The following MYOCD variants were observed in gnomAD, a reference collection of about 807,000 sequenced individuals.
MYOCD encodes myocardin.
MYOCD carries 32 observed loss-of-function variants against 96.1 expected under a neutral mutation model. That is an observed-to-expected ratio of 0.33 (90% CI 0.25 to 0.45). The LOEUF (loss-of-function observed/expected upper bound fraction) is 0.45. MYOCD is among the 20% of genes least tolerant of loss of function. The pLI is 1.00. For synonymous variants in MYOCD, 469 were observed against 469.0 expected, an observed-to-expected ratio of 1.00 and a Z score of 0.00; for missense variants, 1,133 against 1,200.6, an observed-to-expected ratio of 0.94 and a Z score of 0.83.
At chr17:12,750,781 T>G (rs1449820388) in intron 9 of MYOCD, among the ~76,000 whole-genome samples, 1 of 152,228 alleles carries the variant, frequency 6.6e-6, no homozygotes, top group Non-Finnish European at 1.5e-5. Flanking sequence ...AGATATATAT[T>G]CATTAGATTT....
At chr17:12,688,151 C>T (rs1030708207) in intron 1 of MYOCD, among the ~76,000 whole-genome samples, 13 of 152,222 alleles carry the variant, frequency 8.5e-5, no homozygotes, top group Non-Finnish European at 1.9e-4. Context: ...ATTGGAAAGT[C>T]TCCTACACCC....
chr17:12,763,366 G>A lies in MYOCD; in HGVS notation c.2683G>A (p.Ala895Thr). 1 of 1,598,250 alleles carries A rather than the reference G, an allele frequency of 6.3e-7. No homozygotes were observed. The highest frequency in any genetic ancestry group is 8.5e-7 in the Non-Finnish European group (1 of 1,172,006). ...AATGGATGGATTCTCTGGGAAGGCT[G>A]CAGAAGACCTCTTCAATGCACATGA... ...GIMDGFSGKA[A>T]EDLFNAHEIL... The change falls in exon 14 of 14, where the codon GCA becomes ACA. Residue 895 changes from alanine (A) to threonine (T), a missense_variant. Physicochemically the swap from Ala to Thr is moderately conservative, Grantham distance 58. Coordinates refer to ENST00000425538, the MANE Select transcript of MYOCD (RefSeq NM_001146312.3).
intron 1 of MYOCD, among the ~76,000 whole-genome samples, chr17:12,679,091 T>C (rs1397455529): frequency 6.6e-6 from 1 of 152,052 alleles, no homozygotes; most frequent in Non-Finnish European, 1.5e-5. Context: ...TACCACATGG[T>C]CCCCCAGAGA....
chr17:12,738,509 A>G (rs1161923103), intron 6 of MYOCD, among the ~76,000 whole-genome samples: 2 of 152,186 alleles, frequency 1.3e-5, no homozygotes, highest in African/African-American at 4.8e-5. Context: ...ACATATACAT[A>G]TACATGCCTG....
chr17:12,747,781 G>GA (rs1424496932), intron 9 of MYOCD, among the ~76,000 whole-genome samples: 3 of 151,716 alleles, frequency 2.0e-5, no homozygotes, highest in Non-Finnish European at 4.4e-5. Flanking sequence ...AAAAGGAAAA[G>GA]AACACTGAGA....
At chr17:12,708,216 G>A (rs753531074) in intron 2 of MYOCD, among the ~76,000 whole-genome samples, 1 of 152,018 alleles carries the variant, frequency 6.6e-6, no homozygotes, top group Non-Finnish European at 1.5e-5. Context: ...ATCTAATATG[G>A]TCCCATTTTC....
chr17:12,669,408 T>C (rs1034101557), intron 1 of MYOCD, among the ~76,000 whole-genome samples: 3 of 152,208 alleles, frequency 2.0e-5, no homozygotes, highest in Admixed American at 1.3e-4. Flanking sequence ...AGTCTGGCAA[T>C]TGCCATGAAC....
intron 2 of MYOCD, among the ~76,000 whole-genome samples, chr17:12,711,564 G>C (rs1367901332): frequency 6.6e-6 from 1 of 152,186 alleles, no homozygotes; most frequent in Admixed American, 6.5e-5. Context: ...ACCAGCTAGT[G>C]CTTGTTGATG....
At chr17:12,757,274 A>G (rs951054073) in intron 11 of MYOCD, among the ~76,000 whole-genome samples, 1 of 152,154 alleles carries the variant, frequency 6.6e-6, no homozygotes, top group African/African-American at 2.4e-5. Context: ...AAGGAGACAA[A>G]CAAGATAAGC....
chr17:12,716,320 C>G (rs1597774812), intron 3 of MYOCD, among the ~76,000 whole-genome samples: 1 of 151,942 alleles, frequency 6.6e-6, no homozygotes, highest in Non-Finnish European at 1.5e-5. Context: ...TAACAAAGAA[C>G]AGCAGACTCT....
chr17:12,723,027 A>T lies in MYOCD; in HGVS notation c.415+19A>T. 6.2e-7 allele frequency: 1 copy of T among 1,608,058 alleles called. No individual in the cohort carries two copies. The highest frequency in any genetic ancestry group is 8.5e-7 in the Non-Finnish European group (1 of 1,176,896). On this transcript the variant is annotated intron_variant, in intron 5 of 13. Transcript: ENST00000425538. ...ATAAAAGGTAGTTAGAACAAATGGC[A>T]TGTCTCTCCTTGGTGCTATTGAGAT...
chr17:12,684,128 T>C (rs755146757), intron 1 of MYOCD, among the ~76,000 whole-genome samples: 3 of 152,198 alleles, frequency 2.0e-5, no homozygotes, highest in Non-Finnish European at 2.9e-5. Context: ...CCATTTTTCA[T>C]GAATTTATTA....
intron 1 of MYOCD, among the ~76,000 whole-genome samples, chr17:12,674,427 C>A (rs1909890168): frequency 1.3e-5 from 2 of 152,184 alleles, no homozygotes; most frequent in South Asian, 4.1e-4. Flanking sequence ...GCCATTCCTA[C>A]AAAGTCCCAG....
Position 12,766,599 on chromosome 17 carries a change from G to C in MYOCD, c.*2955G>C, listed in dbSNP as rs1205365702. 6.6e-6 allele frequency: 1 copy of C among 152,152 alleles called. No individual in the cohort carries two copies. Among genetic ancestry groups the C allele is most frequent in the African/African-American group, 2.4e-5 (1 of 41,436 alleles). The allele number at this position is 152,152 out of a possible 1,614,324, so 9.4% of individuals were successfully genotyped here. On this transcript the variant is annotated 3_prime_UTR_variant, in exon 14 of 14. Coordinates refer to ENST00000425538, the MANE Select transcript of MYOCD (RefSeq NM_001146312.3). ...ATAATCCATGAATTTGTCTCCCATT[G>C]AGAATTTTATTTTAAATTCTTTTAA...
At chr17:12,673,924 A>C (rs1028958512) in intron 1 of MYOCD, among the ~76,000 whole-genome samples, 2 of 152,172 alleles carry the variant, frequency 1.3e-5, no homozygotes, top group African/African-American at 2.4e-5. Context: ...TTCAGTAGAG[A>C]TTGAAAAGGA....
intron 1 of MYOCD, among the ~76,000 whole-genome samples, chr17:12,684,093 T>C (rs967489064): frequency 2.6e-5 from 4 of 152,184 alleles, no homozygotes; most frequent in African/African-American, 7.2e-5. Flanking sequence ...CATCTCTCTC[T>C]TTCTCTCATT....
At chr17:12,706,721 A>C (rs955873762) in intron 2 of MYOCD, among the ~76,000 whole-genome samples, 3 of 152,196 alleles carry the variant, frequency 2.0e-5, no homozygotes, top group African/African-American at 7.2e-5. Flanking sequence ...AACACCTATC[A>C]TGTAAGTTAT....
At chr17:12,713,965 A>G (rs55831402) in intron 2 of MYOCD, among the ~76,000 whole-genome samples, 17,791 of 152,210 alleles carry the variant, frequency 0.12, 1,163 homozygotes, top group African/African-American at 0.18. Context: ...CTGAAAAACA[A>G]TTTCTAGATC....
chr17:12,687,159 G>A (rs1031039860), intron 1 of MYOCD, among the ~76,000 whole-genome samples: 3 of 151,808 alleles, frequency 2.0e-5, no homozygotes, highest in African/African-American at 7.3e-5. Context: ...TCACCTCCAT[G>A]CTATTTTTTT....
Sources: allele counts gnomAD v4.1 joint callset (sites outside exome capture counted in the v4.1 genomes callset), GRCh38; gene constraint gnomAD v4.1.1; transcripts MANE v1.5; gene names NCBI Gene and HGNC (gene_info 2026-07-23, HGNC 2026-07-21).